Variants in ATG2B observed in about 807,000 individuals in gnomAD.
The protein encoded by ATG2B is autophagy related 2B.
ATG2B carries 121 observed loss-of-function variants against 241.3 expected under a neutral mutation model. The ratio of observed to expected loss-of-function variants is 0.50; its 90% CI spans 0.43 to 0.58. ATG2B has a LOEUF of 0.58. Among genes scored for constraint, ATG2B ranks in the 20% least tolerant of loss-of-function variants. The pLI, the probability that ATG2B is intolerant of heterozygous loss-of-function variation, is 0.00. For synonymous variants in ATG2B, 858 were observed against 876.6 expected, an observed-to-expected ratio of 0.98 and a Z score of 0.37; for missense variants, 2,306 against 2,491.6, an observed-to-expected ratio of 0.93 and a Z score of 1.59.
intron 41 of ATG2B, 79 bp from the exon 42 acceptor site, chr14:96,286,064 T>A: frequency 1.9e-6 from 2 of 1,070,512 alleles, no homozygotes; most frequent in Non-Finnish European, 2.7e-6. Context: ...TATCCTGCAG[T>A]ACACACTTTT....
chr14:96,362,067 G>T (rs1036622511), intron 1 of ATG2B, among the ~76,000 whole-genome samples: 3 of 152,088 alleles, frequency 2.0e-5, no homozygotes, highest in Non-Finnish European at 4.4e-5. Flanking sequence ...TGAAGCACCT[G>T]TATAGCAATG....
At chr14:96,341,786 G>T in intron 5 of ATG2B, 85 bp from the exon 6 acceptor site, 2 of 1,073,036 alleles carry the variant, frequency 1.9e-6, no homozygotes, top group Non-Finnish European at 2.5e-6. Context: ...AACTTAAGAA[G>T]AATAAAATAT....
At chr14:96,303,736 G>A (rs1886857913) in intron 32 of ATG2B, among the ~76,000 whole-genome samples, 1 of 152,180 alleles carries the variant, frequency 6.6e-6, no homozygotes, top group Admixed American at 6.5e-5. Flanking sequence ...TACCATGTAT[G>A]TCTGTGGATA....
intron 36 of ATG2B, 113 bp from the exon 37 acceptor site, chr14:96,292,211 A>G (rs1886505069): frequency 1.7e-6 from 1 of 598,022 alleles, no homozygotes. Context: ...AAAATAAATC[A>G]TATAAATATC....
intron 6 of ATG2B, among the ~76,000 whole-genome samples, chr14:96,337,164 G>C (rs141672468): frequency 6.6e-6 from 1 of 152,092 alleles, no homozygotes; most frequent in African/African-American, 2.4e-5. Context: ...GCATCTGTCC[G>C]AAAAACTGGG....
intron 1 of ATG2B, among the ~76,000 whole-genome samples, chr14:96,359,383 A>T (rs184530471): frequency 1.9e-4 from 29 of 152,234 alleles, no homozygotes; most frequent in Admixed American, 1.3e-3. Context: ...GTCTCAAAAA[A>T]AAAATAAAAT....
In ATG2B at chr14:96,290,865, G is replaced by A; in HGVS notation, c.5650C>T (p.Leu1884=). The change falls in exon 39 of 42, where the codon CTA becomes TTA. Residue 1884 remains leucine, a synonymous_variant. Transcript: ENST00000359933. The surrounding 1 kb of genome is among the most constrained non-coding windows in gnomAD (Gnocchi z 4.4). ...EWLNDIKKNQ[L]PGILGGVGPM... ...CCAACACCTCCCAGGATTCCTGGTAGCTGGTTCTTCTTAATGTCATTAAGC... is the reference window on the plus strand; with the variant it reads ...CCAACACCTCCCAGGATTCCTGGTAACTGGTTCTTCTTAATGTCATTAAGC... The A allele has an allele frequency of 6.2e-7, 1 of 1,613,988 alleles. No homozygotes were observed. The highest frequency in any genetic ancestry group is 8.5e-7 in the Non-Finnish European group (1 of 1,179,900).
At chr14:96,310,809 T>C (rs1010448074) in intron 28 of ATG2B, among the ~76,000 whole-genome samples, 2 of 152,144 alleles carry the variant, frequency 1.3e-5, no homozygotes, top group South Asian at 2.1e-4. Flanking sequence ...ACAACTTGCA[T>C]AGAACAAGCT....
rs375972345 is a variant in ATG2B at position 96,332,593 on chromosome 14, G to C, written c.1270C>G (p.Pro424Ala). Residue 424 changes from proline (P) to alanine (A), a missense_variant, in exon 9 of 42, where the codon CCC (proline) becomes GCC (alanine). Pro to Ala is a conservative substitution (Grantham distance 27). Coordinates refer to ENST00000359933, the MANE Select transcript of ATG2B (RefSeq NM_018036.7). ...TCCATGTTTGGGGGGTCCCCAAGGGGTGGAAGAGAAGAGAGACTATGAGAC... is the reference window on the plus strand; with the variant it reads ...TCCATGTTTGGGGGGTCCCCAAGGGCTGGAAGAGAAGAGAGACTATGAGAC... ...DMSHSLSSLPPLGDPPNMDLE... is the reference protein window; with the variant it reads ...DMSHSLSSLPALGDPPNMDLE... 2 of 1,609,606 alleles carry C rather than the reference G, an allele frequency of 1.2e-6. No homozygotes were observed. The highest frequency in any genetic ancestry group is 1.7e-6 in the Non-Finnish European group (2 of 1,178,548).
chr14:96,361,471 T>A (rs2139916687), intron 1 of ATG2B, among the ~76,000 whole-genome samples: 1 of 152,298 alleles, frequency 6.6e-6, no homozygotes, highest in Non-Finnish European at 1.5e-5. Context: ...ACAAAAGGCA[T>A]TAATAAATCC....
intron 18 of ATG2B, among the ~76,000 whole-genome samples, chr14:96,320,414 A>AT (rs1243073095): frequency 6.6e-6 from 1 of 152,064 alleles, no homozygotes; most frequent in Non-Finnish European, 1.5e-5. Context: ...CTCTGAAAAA[A>AT]TTTTTTTCAC....
In ATG2B at chr14:96,328,524, T is replaced by G; in HGVS notation, c.1986A>C (p.Ala662=). ...CCTTGTGAGGAACTGAACTAAGTCT[T>G]GCTTGATTACCCTTTTAAAAAAAAA... ...SENRGPQGNQ[A]RLSSVPHKAE... Residue 662 remains alanine, a synonymous_variant, in exon 14 of 42, where the codon GCA becomes GCC. Transcript: ENST00000359933. 1 of 1,599,094 alleles carries G rather than the reference T, an allele frequency of 6.3e-7. No homozygotes were observed. The highest frequency in any genetic ancestry group is 8.5e-7 in the Non-Finnish European group (1 of 1,175,822).
intron 34 of ATG2B, among the ~76,000 whole-genome samples, chr14:96,297,909 A>C (rs1238878521): frequency 6.6e-6 from 1 of 152,094 alleles, no homozygotes; most frequent in Non-Finnish European, 1.5e-5. Context: ...CTCCCACCTC[A>C]GCCTCCTGAA....
chr14:96,352,664 A>C (rs1888359523), intron 1 of ATG2B, among the ~76,000 whole-genome samples: 1 of 142,356 alleles, frequency 7.0e-6, no homozygotes, highest in Admixed American at 6.7e-5. Context: ...TAAGAATATA[A>C]AGAAAAAGTA....
intron 8 of ATG2B, 55 bp downstream of exon 8, chr14:96,333,633 A>AT: frequency 6.6e-7 from 1 of 1,525,028 alleles, no homozygotes; most frequent in Non-Finnish European, 8.9e-7. Context: ...ATTAAGTGTA[A>AT]TTTTATCTAT....
intron 14 of ATG2B, among the ~76,000 whole-genome samples, chr14:96,327,189 C>T (rs1312953264): frequency 6.6e-6 from 1 of 151,568 alleles, no homozygotes; most frequent in African/African-American, 2.4e-5. Context: ...TGAGCTGATA[C>T]CGTATGACAG....
Position 96,317,311 on chromosome 14 carries a change from TC to T in ATG2B, c.3043del (p.Glu1015LysfsTer27). 5 of 1,608,978 alleles carry T rather than the reference TC, an allele frequency of 3.1e-6. No individual in the cohort carries two copies. Among genetic ancestry groups the T allele is most frequent in the Non-Finnish European group, 4.2e-6 (5 of 1,178,042 alleles). ...CAAAGTCTCCTCCTCAGATCCACTT[TC>T]CTCATCTATGAGAAATAAACATACA... ...AFKSAVHYDE[E>X]SGSEEETLQY... On this transcript the variant is annotated frameshift_variant, in exon 20 of 42. Transcript: ENST00000359933. LOFTEE classifies it high-confidence loss of function.
intron 1 of ATG2B, among the ~76,000 whole-genome samples, chr14:96,350,091 G>A (rs1421781300): frequency 1.3e-5 from 2 of 152,146 alleles, no homozygotes; most frequent in Non-Finnish European, 2.9e-5. Context: ...GGGAGGCAGA[G>A]GTTATAGTGA....
chr14:96,360,933 CAAAA>C (rs35630598), intron 1 of ATG2B, among the ~76,000 whole-genome samples: 14 of 73,710 alleles, frequency 1.9e-4, no homozygotes, highest in East Asian at 7.1e-4. Flanking sequence ...AATCCTCTAC[CAAAA>C]AAAAAAAAAA....
Sources: gnomAD v4.1 joint callset for allele counts (sites outside exome capture counted in the v4.1 genomes callset) on GRCh38, gnomAD v4.1.1 for gene constraint, Gnocchi (gnomAD v3.1) non-coding constraint, MANE v1.5 for transcripts, NCBI Gene and HGNC (gene_info 2026-07-23, HGNC 2026-07-21) for gene names.